PLXDC2: variants seen among roughly 807,000 people sequenced by gnomAD.
The protein encoded by PLXDC2 is plexin domain-containing protein 2.
Under a neutral mutation model 68.9 loss-of-function variants are expected in PLXDC2, and 40 were observed. The ratio of observed to expected loss-of-function variants is 0.58; its 90% CI spans 0.45 to 0.76. The LOEUF (loss-of-function observed/expected upper bound fraction) is 0.76. PLXDC2 is among the 30% of genes least tolerant of loss of function. The probability of loss-of-function intolerance (pLI) is 0.00; values close to 1 mark genes in which losing one functional copy is unlikely to be tolerated. For synonymous variants in PLXDC2, 243 were observed against 234.2 expected, an observed-to-expected ratio of 1.04 and a Z score of -0.34; for missense variants, 644 against 661.9, an observed-to-expected ratio of 0.97 and a Z score of 0.30.
intron 9 of PLXDC2, among the ~76,000 whole-genome samples, chr10:20,189,829 T>A (rs1274319969): frequency 6.6e-6 from 1 of 151,626 alleles, no homozygotes; most frequent in Non-Finnish European, 1.5e-5. Context: ...TGCATTTTGG[T>A]CTCTGTCTTC....
intron 1 of PLXDC2, among the ~76,000 whole-genome samples, chr10:19,895,458 T>C (rs1051449986): frequency 6.6e-6 from 1 of 152,214 alleles, no homozygotes; most frequent in African/African-American, 2.4e-5. Flanking sequence ...AATTTAAATA[T>C]ATTTTATTTT....
chr10:19,839,911 T>A (rs1836872319), intron 1 of PLXDC2, among the ~76,000 whole-genome samples: 1 of 152,218 alleles, frequency 6.6e-6, no homozygotes, highest in South Asian at 2.1e-4. Context: ...GCCATTTAGA[T>A]CTTCAAACAA....
At chr10:20,214,284 T>TG (rs1835107787) in intron 10 of PLXDC2, among the ~76,000 whole-genome samples, 1 of 151,414 alleles carries the variant, frequency 6.6e-6, no homozygotes, top group Non-Finnish European at 1.5e-5. Context: ...CAGACAGCTA[T>TG]TTTTTTTTCT....
chr10:20,271,398 G>C (rs1007676636), intron 13 of PLXDC2, among the ~76,000 whole-genome samples: 1 of 152,136 alleles, frequency 6.6e-6, no homozygotes, highest in Non-Finnish European at 1.5e-5. Context: ...ATTTCAGAGA[G>C]ATATAGTATT....
chr10:20,217,396 A>G lies in PLXDC2; in HGVS notation c.1123-30A>G, dbSNP rs754626667. 7 of 1,589,078 alleles carry G rather than the reference A, an allele frequency of 4.4e-6. No homozygotes were observed. The Admixed American group carries it at 5.2e-5, about 12-fold the overall frequency. ...CTAAAAATAGATTTGTGATCACTCC[A>G]TTTGTTTTCCTTTTCTTTTCTCTTA... On this transcript the variant is annotated intron_variant, in intron 10 of 13. Coordinates refer to ENST00000377252, the MANE Select transcript of PLXDC2 (RefSeq NM_032812.9).
chr10:20,143,448 A>G (rs1461854708), intron 5 of PLXDC2, 31 bp downstream of exon 5: 1 of 1,609,858 alleles, frequency 6.2e-7, no homozygotes, highest in African/African-American at 1.3e-5. Flanking sequence ...TTTTTGCTGC[A>G]TGTATATTTT....
At chr10:20,007,009 A>T (rs2131641342) in intron 2 of PLXDC2, among the ~76,000 whole-genome samples, 1 of 152,350 alleles carries the variant, frequency 6.6e-6, no homozygotes, top group South Asian at 2.1e-4. Context: ...GTAGGTATTA[A>T]AAATGAGGTG....
At chr10:19,900,306 A>T (rs923512621) in intron 1 of PLXDC2, among the ~76,000 whole-genome samples, 23 of 152,204 alleles carry the variant, frequency 1.5e-4, no homozygotes, top group African/African-American at 5.1e-4. Context: ...ATGACAACTT[A>T]TGAGCCACCT....
chr10:19,994,295 C>A (rs1234006950), intron 1 of PLXDC2, among the ~76,000 whole-genome samples: 1 of 76,374 alleles, frequency 1.3e-5, no homozygotes. Context: ...TCTCTGACTA[C>A]TTGGAAACAT....
chr10:20,002,862 A>G (rs1475342744), intron 2 of PLXDC2, among the ~76,000 whole-genome samples: 1 of 152,244 alleles, frequency 6.6e-6, no homozygotes, highest in Non-Finnish European at 1.5e-5. Context: ...ACTGTCTCAT[A>G]GGGTGACCAC....
chr10:20,170,164 T>C (rs1045790325), intron 7 of PLXDC2, among the ~76,000 whole-genome samples: 1 of 152,176 alleles, frequency 6.6e-6, no homozygotes, highest in Admixed American at 6.5e-5. Context: ...CTGTATGTGG[T>C]CTCTTTATAA....
intron 1 of PLXDC2, among the ~76,000 whole-genome samples, chr10:19,862,462 A>G (rs1457198020): frequency 2.0e-5 from 3 of 152,220 alleles, no homozygotes; most frequent in Non-Finnish European, 4.4e-5. Flanking sequence ...AGTTATCTAA[A>G]GATTTGCAGT....
At chr10:19,893,624 C>T (rs561984309) in intron 1 of PLXDC2, among the ~76,000 whole-genome samples, 1 of 152,294 alleles carries the variant, frequency 6.6e-6, no homozygotes, top group African/African-American at 2.4e-5. Flanking sequence ...AATAATGGCT[C>T]CTTTTGCAAG....
chr10:19,984,060 C>G (rs112627390), intron 1 of PLXDC2, among the ~76,000 whole-genome samples: 1 of 152,116 alleles, frequency 6.6e-6, no homozygotes, highest in African/African-American at 2.4e-5. Context: ...CATGGGTCGT[C>G]GAAGTGTCAG....
chr10:20,145,158 G>T (rs1834055912), intron 5 of PLXDC2, among the ~76,000 whole-genome samples: 1 of 152,110 alleles, frequency 6.6e-6, no homozygotes, highest in Non-Finnish European at 1.5e-5. Context: ...TCTGAGAATT[G>T]TAAAAGTATT....
chr10:19,862,500 A>G (rs1053500252), intron 1 of PLXDC2, among the ~76,000 whole-genome samples: 1 of 152,246 alleles, frequency 6.6e-6, no homozygotes, highest in African/African-American at 2.4e-5. Flanking sequence ...ACAATAAGAT[A>G]ACAGAATTGT....
At chr10:20,150,549 T>C (rs772417384) in intron 6 of PLXDC2, among the ~76,000 whole-genome samples, 1 of 152,194 alleles carries the variant, frequency 6.6e-6, no homozygotes, top group Non-Finnish European at 1.5e-5. Flanking sequence ...AAAGGACTTA[T>C]TCATTTCTAG....
chr10:20,118,276 G>C (rs974546808), intron 4 of PLXDC2, among the ~76,000 whole-genome samples: 2 of 152,136 alleles, frequency 1.3e-5, no homozygotes, highest in African/African-American at 2.4e-5. Flanking sequence ...AGTACAAAGA[G>C]TGAATTGCAA....
intron 4 of PLXDC2, among the ~76,000 whole-genome samples, chr10:20,116,073 G>T (rs577946591): frequency 2.0e-5 from 3 of 152,284 alleles, no homozygotes; most frequent in Middle Eastern, 3.4e-3. Flanking sequence ...GTGGATTCAC[G>T]CTGCTCCTCT....
Sources: allele counts gnomAD v4.1 joint callset (sites outside exome capture counted in the v4.1 genomes callset), GRCh38; gene constraint gnomAD v4.1.1; transcripts MANE v1.5; gene names NCBI Gene and HGNC (gene_info 2026-07-23, HGNC 2026-07-21).